AP1B1: variants seen among roughly 807,000 people sequenced by gnomAD.
The protein encoded by AP1B1 is adaptor related protein complex 1 subunit beta 1, also known as AP-1 complex subunit beta-1.
AP1B1 carries 36 observed loss-of-function variants against 104.3 expected under a neutral mutation model. The observed-to-expected ratio is 0.35, with a 90% CI of 0.26 to 0.46. The LOEUF (loss-of-function observed/expected upper bound fraction) is 0.46. Ranked by LOEUF, AP1B1 falls within the 20% of genes least tolerant of loss-of-function variation. The pLI, the probability that AP1B1 is intolerant of heterozygous loss-of-function variation, is 1.00. For synonymous variants in AP1B1, 504 were observed against 517.5 expected (o/e 0.97, Z 0.35); for missense variants, 901 against 1,247.9 (o/e 0.72, Z 4.19).
chr22:29,335,679 C>T (rs2061627958), intron 16 of AP1B1, among the ~76,000 whole-genome samples: 1 of 152,188 alleles, frequency 6.6e-6, no homozygotes, highest in Admixed American at 6.5e-5. Context: ...CCTGCAATGG[C>T]CTCCACGGGC....
intron 1 of AP1B1, among the ~76,000 whole-genome samples, chr22:29,374,220 A>T (rs977009224): frequency 2.0e-5 from 3 of 152,078 alleles, no homozygotes; most frequent in South Asian, 2.1e-4. Context: ...TTTTGTTTTT[A>T]AAAAAATAAC....
intron 16 of AP1B1, among the ~76,000 whole-genome samples, chr22:29,338,642 T>C (rs1306633502): frequency 1.3e-5 from 2 of 152,054 alleles, no homozygotes; most frequent in Non-Finnish European, 2.9e-5. Context: ...GGGTGCTGAG[T>C]CTGATGGCAC....
intron 5 of AP1B1, among the ~76,000 whole-genome samples, chr22:29,356,957 A>G (rs1255553754): frequency 6.6e-6 from 1 of 152,166 alleles, no homozygotes; most frequent in Non-Finnish European, 1.5e-5. Context: ...TCTCAGAGCT[A>G]GGGGATTCCT....
intron 4 of AP1B1, 92 bp from the exon 5 acceptor site, chr22:29,359,063 G>C (rs2062004573): frequency 7.7e-7 from 1 of 1,300,808 alleles, no homozygotes; most frequent in Non-Finnish European, 1.0e-6. Flanking sequence ...AGCCCTGCTA[G>C]GCTGAGCGAC....
chr22:29,353,794 A>G (rs1483037482), intron 7 of AP1B1, among the ~76,000 whole-genome samples: 2 of 152,144 alleles, frequency 1.3e-5, no homozygotes, highest in African/African-American at 2.4e-5. Context: ...CGAATGATCA[A>G]TGGTTGCTAC....
At chr22:29,350,876 G>A (rs2061863619) in intron 9 of AP1B1, among the ~76,000 whole-genome samples, 1 of 152,242 alleles carries the variant, frequency 6.6e-6, no homozygotes, top group Non-Finnish European at 1.5e-5. Flanking sequence ...GCTCTGTGAA[G>A]TGAATGCTAA....
chr22:29,351,343 T>A (rs749909757), intron 8 of AP1B1, 77 bp from the exon 9 acceptor site: 1 of 1,442,258 alleles, frequency 6.9e-7, no homozygotes, highest in South Asian at 1.1e-5. Flanking sequence ...GCAGTGAATA[T>A]ACACAGACTC....
intron 3 of AP1B1, among the ~76,000 whole-genome samples, 174 bp from the exon 4 acceptor site, chr22:29,360,133 G>A (rs1172053430): frequency 6.6e-6 from 1 of 152,152 alleles, no homozygotes; most frequent in Non-Finnish European, 1.5e-5. Flanking sequence ...AACACCTATT[G>A]ATAGAAAGGG....
At chr22:29,362,570 C>T in intron 3 of AP1B1, among the ~76,000 whole-genome samples, 1 of 152,168 alleles carries the variant, frequency 6.6e-6, no homozygotes, top group East Asian at 1.9e-4. Context: ...TGGTGTCGAA[C>T]TCCTGACCTC....
chr22:29,349,409 T>A, intron 10 of AP1B1, 26 bp from the exon 11 acceptor site: 1 of 1,610,262 alleles, frequency 6.2e-7, no homozygotes, highest in East Asian at 2.2e-5. Context: ...ACAGTTGGTA[T>A]GGGAGCCCTC....
chr22:29,330,184 T>G, intron 21 of AP1B1, 194 bp downstream of exon 21: 2 of 1,444,198 alleles, frequency 1.4e-6, no homozygotes, highest in Non-Finnish European at 9.1e-7. Flanking sequence ...CGAGACCCAA[T>G]TGGTGTCTTA....
intron 15 of AP1B1, 57 bp from the exon 16 acceptor site, chr22:29,339,190 C>CT: frequency 6.2e-7 from 1 of 1,606,758 alleles, no homozygotes; most frequent in Admixed American, 1.7e-5. Flanking sequence ...ACATCAGGGT[C>CT]TGGGAATGAG....
Position 29,344,379 on chromosome 22 carries a change from C to T in AP1B1, c.1438-1996G>A, listed in dbSNP as rs78348440. ...CAATCCGTTCCAGTTCCTCTCAACACGCTCAACACACTCAGGCCGTTAGCC... is the reference window on the plus strand; with the variant it reads ...CAATCCGTTCCAGTTCCTCTCAACATGCTCAACACACTCAGGCCGTTAGCC... On this transcript the variant is annotated intron_variant, in intron 11 of 22. Coordinates refer to ENST00000357586, the MANE Select transcript of AP1B1 (RefSeq NM_001127.4). Among the ~76,000 whole-genome samples, 96 of 152,234 alleles carry T rather than the reference C, an allele frequency of 6.3e-4. No individual in the cohort carries two copies. The East Asian group carries it at 0.015, about 23-fold the overall frequency.
chr22:29,360,997 G>A (rs994700917), intron 3 of AP1B1, among the ~76,000 whole-genome samples: 1 of 152,222 alleles, frequency 6.6e-6, no homozygotes, highest in Non-Finnish European at 1.5e-5. Flanking sequence ...CAGGAAGAAT[G>A]GGGAGGAGGG....
At position 29,381,992 on chromosome 22, in the gene AP1B1, G is replaced by A. The variant is rs76496041; in HGVS notation, c.-28+6432C>T. On this transcript the variant is annotated intron_variant, in intron 1 of 22. Coordinates refer to ENST00000357586, the MANE Select transcript of AP1B1 (RefSeq NM_001127.4). ...ATTTCAAAGATAACTTCCCTTCAGC[G>A]TGATACCTCTGATGCTTAAAAAAAG... Among the ~76,000 whole-genome samples, 21 of 151,442 alleles carry A rather than the reference G, an allele frequency of 1.4e-4. No individual in the cohort carries two copies. In the East Asian group the frequency reaches 2.3e-3, roughly 17 times the overall value.
rs1489330983 is a variant in AP1B1 at position 29,331,859 on chromosome 22, C to T, written c.2367G>A (p.Gln789=). 7 of 1,613,894 alleles carry T rather than the reference C, an allele frequency of 4.3e-6. 1 individual carries two copies. In the South Asian group the frequency reaches 7.7e-5, roughly 18 times the overall value. Residue 789 remains glutamine (Q), a synonymous_variant, in exon 18 of 23, where the codon CAG becomes CAA. Transcript: ENST00000357586. The part of the protein sequence containing the change: ...LQVHAPLSPN[Q]TVEISLPLST... ...TGAGAGGCAGGGAGATCTCCACTGT[C>T]TGGTTGGGGCTGAGTGGCGCGTGGA...
At chr22:29,372,240 T>C (rs1176567326) in intron 1 of AP1B1, among the ~76,000 whole-genome samples, 3 of 151,928 alleles carry the variant, frequency 2.0e-5, no homozygotes, top group African/African-American at 7.3e-5. Context: ...CTAGCCAACA[T>C]GGTGAAACCC....
At chr22:29,371,794 T>C (rs2062243423) in intron 1 of AP1B1, among the ~76,000 whole-genome samples, 1 of 151,994 alleles carries the variant, frequency 6.6e-6, no homozygotes, top group South Asian at 2.1e-4. Context: ...TTTGGAAGTG[T>C]CAGGGCAAAT....
chr22:29,333,516 C>T (rs539903729), intron 17 of AP1B1, among the ~76,000 whole-genome samples: 35 of 152,198 alleles, frequency 2.3e-4, no homozygotes, highest in African/African-American at 7.9e-4. Flanking sequence ...TGGAGCAGGG[C>T]GTTTCTGTCT....
Sources: allele counts gnomAD v4.1 joint callset (sites outside exome capture counted in the v4.1 genomes callset), GRCh38; gene constraint gnomAD v4.1.1; transcripts MANE v1.5; gene names NCBI Gene and HGNC (gene_info 2026-07-23, HGNC 2026-07-21).